The following ARHGEF4 variants were observed in gnomAD, a reference collection of about 807,000 sequenced individuals.
ARHGEF4 encodes the protein APC-stimulated guanine nucleotide exchange factor 1.
Under a neutral mutation model 162.0 loss-of-function variants are expected in ARHGEF4, and 119 were observed. The observed-to-expected ratio is 0.73, with a 90% CI of 0.63 to 0.86. ARHGEF4 has a LOEUF of 0.86. Ranked by LOEUF, ARHGEF4 falls within the 40% of genes least tolerant of loss-of-function variation. The probability of loss-of-function intolerance (pLI) is 0.00; values close to 1 mark genes in which losing one functional copy is unlikely to be tolerated. For missense variants in ARHGEF4, 2,488 were observed against 2,456.0 expected, an observed-to-expected ratio of 1.01 and a Z score of -0.28; for synonymous variants, 1,014 against 979.9, an observed-to-expected ratio of 1.03 and a Z score of -0.65.
At chr2:130,856,219 TG>T (rs758479262) in intron 1 of ARHGEF4, among the ~76,000 whole-genome samples, 48 of 152,146 alleles carry the variant, frequency 3.2e-4, no homozygotes, top group Non-Finnish European at 5.0e-4. Flanking sequence ...ATTAACCAAA[TG>T]AAAAATTCAC....
At chr2:131,010,734 T>TG (rs1688396647) in intron 4 of ARHGEF4, among the ~76,000 whole-genome samples, 1 of 152,036 alleles carries the variant, frequency 6.6e-6, no homozygotes, top group South Asian at 2.1e-4. Context: ...CGAAGTTAGG[T>TG]GGGCAGCAAG....
chr2:130,983,343 T>G (rs1686251145), intron 4 of ARHGEF4, among the ~76,000 whole-genome samples: 1 of 152,232 alleles, frequency 6.6e-6, no homozygotes, highest in Non-Finnish European at 1.5e-5. Context: ...TTCAGCTGTT[T>G]TCATTAAACC....
rs977269354 is a variant in ARHGEF4, at chr2:131,043,438, T to C, written c.5026-14T>C. On this transcript the variant is annotated splice_polypyrimidine_tract_variant and intron_variant, in intron 10 of 13. Transcript: ENST00000409359. ...GGTATGCGAGGCTCATGGTTCTCCT[T>C]GGGATCTTCCCAGGGAGAAGATCTC... 8.5e-5 allele frequency: 137 copies of C among 1,613,514 alleles called. No individual in the cohort carries two copies. Among genetic ancestry groups the C allele is most frequent in the Non-Finnish European group, 1.1e-4 (132 of 1,179,882 alleles).
intron 1 of ARHGEF4, among the ~76,000 whole-genome samples, chr2:130,903,659 A>G (rs929083450): frequency 2.6e-5 from 4 of 152,186 alleles, no homozygotes; most frequent in African/African-American, 2.4e-5. Flanking sequence ...AGTAGTGAAC[A>G]TGGTACCCAA....
intron 4 of ARHGEF4, among the ~76,000 whole-genome samples, chr2:130,959,655 C>T (rs1290244202): frequency 1.3e-5 from 2 of 152,182 alleles, no homozygotes; most frequent in Non-Finnish European, 2.9e-5. Flanking sequence ...TCACTTAATC[C>T]TCACAATAAT....
intron 1 of ARHGEF4, among the ~76,000 whole-genome samples, chr2:130,886,265 T>C (rs1679512486): frequency 6.7e-6 from 1 of 148,984 alleles, no homozygotes; most frequent in Non-Finnish European, 1.5e-5. Context: ...GAGATTAGTC[T>C]GTAATTTTTC....
chr2:130,999,060 G>C (rs1472212540), intron 4 of ARHGEF4, among the ~76,000 whole-genome samples: 1 of 152,002 alleles, frequency 6.6e-6, no homozygotes, highest in Non-Finnish European at 1.5e-5. Context: ...ATTCCCTAAT[G>C]ACATACCTGT....
At position 131,040,457 on chromosome 2, in the gene ARHGEF4, C is replaced by T. The variant is rs765352739; in HGVS notation, c.4662+17C>T. On this transcript the variant is annotated intron_variant, in intron 8 of 13. Coordinates refer to ENST00000409359, the MANE Select transcript of ARHGEF4 (RefSeq NM_001367493.1). ...CTGGAGCATGTGAGCGCGCGGCCCC[C>T]GGCCCCTACCTGGGCGCTGCGTTCA... The T allele has an allele frequency of 2.0e-6, 3 of 1,536,594 alleles. No individual in the cohort carries two copies. The highest frequency in any genetic ancestry group is 2.6e-6 in the Non-Finnish European group (3 of 1,141,280).
chr2:131,034,421 C>T (rs1463265482), intron 5 of ARHGEF4, among the ~76,000 whole-genome samples: 1 of 152,166 alleles, frequency 6.6e-6, no homozygotes, highest in African/African-American at 2.4e-5. Context: ...AAGCCCTGGA[C>T]GCCTGGCTTT....
chr2:130,999,649 A>C (rs1302795967), intron 4 of ARHGEF4, among the ~76,000 whole-genome samples: 2 of 152,050 alleles, frequency 1.3e-5, no homozygotes, highest in Non-Finnish European at 2.9e-5. Context: ...CATTTTTCCT[A>C]AATCTTGCAT....
At chr2:130,838,372 G>C (rs185148562) in intron 1 of ARHGEF4, among the ~76,000 whole-genome samples, 55 of 145,848 alleles carry the variant, frequency 3.8e-4, no homozygotes, top group Non-Finnish European at 6.1e-4. Flanking sequence ...GAGGCCGAGT[G>C]GGGGGGGCGG....
chr2:131,022,798 C>G (rs1235539507), intron 4 of ARHGEF4, among the ~76,000 whole-genome samples: 1 of 151,772 alleles, frequency 6.6e-6, no homozygotes, highest in Non-Finnish European at 1.5e-5. Flanking sequence ...AAAAGCATGA[C>G]TCATAAAAGG....
At chr2:130,994,455 A>G (rs1348067955) in intron 4 of ARHGEF4, among the ~76,000 whole-genome samples, 1 of 152,250 alleles carries the variant, frequency 6.6e-6, no homozygotes, top group Non-Finnish European at 1.5e-5. Context: ...AATATAAATC[A>G]GGACTTTTAA....
chr2:130,868,974 G>C (rs947541446), intron 1 of ARHGEF4, among the ~76,000 whole-genome samples: 6 of 152,160 alleles, frequency 3.9e-5, no homozygotes, highest in Non-Finnish European at 7.3e-5. Context: ...TGATCATATC[G>C]GGACCACCTG....
chr2:130,931,415 G>A (rs752882419), intron 3 of ARHGEF4, among the ~76,000 whole-genome samples, 158 bp downstream of exon 3: 1 of 152,158 alleles, frequency 6.6e-6, no homozygotes, highest in Non-Finnish European at 1.5e-5. Flanking sequence ...GCCACACTCA[G>A]TACTGCAGTC....
At position 130,990,437 on chromosome 2, in the gene ARHGEF4, G is replaced by A. The variant is rs564824492; in HGVS notation, c.3986-37508G>A. ...ATTATTAGCTTCTTGGTGAGTTTTA[G>A]AACCCTAGAAGGTGCAATCCAGCTA... On this transcript the variant is annotated intron_variant, in intron 4 of 13. Transcript: ENST00000409359. 9.0e-4 allele frequency among the ~76,000 whole-genome samples: 137 copies of A among 152,188 alleles called. 3 individuals carry two copies. In the South Asian group the frequency reaches 0.028, roughly 31 times the overall value.
chr2:131,039,771 T>A (rs1248772015), intron 6 of ARHGEF4: 6 of 1,389,742 alleles, frequency 4.3e-6, no homozygotes, highest in Non-Finnish European at 5.6e-6. Flanking sequence ...ACAAGCAGGG[T>A]CTAGGAAGGA....
intron 1 of ARHGEF4, among the ~76,000 whole-genome samples, chr2:130,854,131 A>G (rs900833942): frequency 6.6e-6 from 1 of 152,238 alleles, no homozygotes; most frequent in Non-Finnish European, 1.5e-5. Context: ...AAAAAATTAT[A>G]GCATACCTGC....
intron 4 of ARHGEF4, among the ~76,000 whole-genome samples, chr2:130,973,482 G>C (rs1321473485): frequency 2.0e-5 from 3 of 152,114 alleles, no homozygotes; most frequent in African/African-American, 4.8e-5. Context: ...GAGCAAGACT[G>C]TGTCTCCAAA....
Sources: gnomAD v4.1 joint callset for allele counts (sites outside exome capture counted in the v4.1 genomes callset) on GRCh38, gnomAD v4.1.1 for gene constraint, MANE v1.5 for transcripts, NCBI Gene and HGNC (gene_info 2026-07-23, HGNC 2026-07-21) for gene names.